The following DCC variants were observed in gnomAD, a reference collection of about 807,000 sequenced individuals.
DCC encodes DCC netrin 1 receptor.
In DCC, 58 loss-of-function variants were observed where a neutral mutation model predicts 172.5. The ratio of observed to expected loss-of-function variants is 0.34; its 90% confidence interval spans 0.27 to 0.42. The LOEUF (loss-of-function observed/expected upper bound fraction) is 0.42. DCC is among the 10% of genes least tolerant of loss of function. The probability of loss-of-function intolerance (pLI) is 1.00; values close to 1 mark genes in which losing one functional copy is unlikely to be tolerated. For missense variants in DCC, 1,740 were observed against 1,791.0 expected (o/e 0.97, Z 0.51); for synonymous variants, 709 against 644.5 (o/e 1.10, Z -1.52).
chr18:52,595,153 G>A (rs2033881578), intron 1 of DCC, among the ~76,000 whole-genome samples: 1 of 152,158 alleles, frequency 6.6e-6, no homozygotes, highest in Non-Finnish European at 1.5e-5. Context: ...TCTCCTGGAA[G>A]GATGAGCAAA....
At chr18:53,046,977 C>A (rs1047605006) in intron 5 of DCC, among the ~76,000 whole-genome samples, 3 of 151,422 alleles carry the variant, frequency 2.0e-5, no homozygotes, top group Non-Finnish European at 4.4e-5. Flanking sequence ...TCTCCTTTCA[C>A]CGAATTTGAG....
intron 2 of DCC, among the ~76,000 whole-genome samples, chr18:52,831,958 G>C (rs1333504429): frequency 2.6e-5 from 4 of 152,100 alleles, no homozygotes; most frequent in Non-Finnish European, 4.4e-5. Context: ...CAAATGAAAT[G>C]ATTTAAAAAG....
At position 53,450,568 on chromosome 18, in the gene DCC, G is replaced by A. The variant is rs764500230; in HGVS notation, c.3298G>A (p.Val1100Met). Residue 1100 changes from valine to methionine, a missense_variant, in exon 23 of 29, where the codon GTG (valine) becomes ATG (methionine). Around this residue, in one of 2 missense-constraint regions of DCC, gnomAD observed 1,732 missense variants for 1,767.4 expected, o/e 0.98. Transcript: ENST00000442544. ...TCCTCAGAAGAACAGCAACCTGCTT[G>A]TGATCATTGTGGTCACCGTTGGTGT... ...VTPQKNSNLLVIIVVTVGVIT... is the reference protein window; with the variant it reads ...VTPQKNSNLLMIIVVTVGVIT... 27 of 1,613,928 alleles carry A rather than the reference G, an allele frequency of 1.7e-5. No homozygotes were observed. The highest frequency in any genetic ancestry group is 2.3e-5 in the Non-Finnish European group (27 of 1,180,000).
In DCC at chr18:53,427,993, T is replaced by C. The variant is rs1377375793; in HGVS notation, c.3164-7151T>C. On this transcript the variant is annotated intron_variant, in intron 21 of 28. Coordinates refer to ENST00000442544, the MANE Select transcript of DCC (RefSeq NM_005215.4). The stretch of plus-strand genomic sequence containing the variant: ...ATATATAATATAATATAATATATTA[T>C]AATAATATATAATATAATACTATAA... 2.4e-5 allele frequency among the ~76,000 whole-genome samples: 2 copies of C among 83,112 alleles called. 1 individual carries two copies. The highest frequency in any genetic ancestry group is 5.7e-4 in the East Asian group (2 of 3,484). The allele number at this position is 83,112 out of a possible 152,430, so 54.5% of individuals were successfully genotyped here. A position where few individuals can be genotyped will look rare whatever the true frequency, so the allele number is the denominator to read the frequency against.
intron 1 of DCC, among the ~76,000 whole-genome samples, chr18:52,570,629 G>A (rs189088347): frequency 1.8e-3 from 278 of 152,266 alleles, no homozygotes; most frequent in Non-Finnish European, 2.3e-3. Context: ...TGTAGAAACT[G>A]TTTTGTGTCA....
intron 5 of DCC, among the ~76,000 whole-genome samples, chr18:52,975,043 T>A (rs944503442): frequency 6.6e-6 from 1 of 152,212 alleles, no homozygotes; most frequent in African/African-American, 2.4e-5. Flanking sequence ...CTTGTTTCTC[T>A]TTTGAATTTT....
At chr18:53,504,031 C>T (rs1471661956) in intron 27 of DCC, among the ~76,000 whole-genome samples, 2 of 152,134 alleles carry the variant, frequency 1.3e-5, no homozygotes, top group Non-Finnish European at 2.9e-5. Flanking sequence ...TTTAATTTGT[C>T]TGAGGACTGA....
intron 7 of DCC, among the ~76,000 whole-genome samples, chr18:53,148,126 A>C (rs1001335807): frequency 1.3e-5 from 2 of 152,194 alleles, no homozygotes; most frequent in Non-Finnish European, 2.9e-5. Context: ...CAGCTATTTT[A>C]CTTTAGTAGT....
At chr18:53,142,624 A>G (rs2043847902) in intron 7 of DCC, among the ~76,000 whole-genome samples, 1 of 152,128 alleles carries the variant, frequency 6.6e-6, no homozygotes, top group Non-Finnish European at 1.5e-5. Context: ...TTGTAGAATA[A>G]TTTTACATTT....
chr18:53,410,840 G>A (rs1013390213), intron 20 of DCC, among the ~76,000 whole-genome samples, 194 bp downstream of exon 20: 2 of 151,946 alleles, frequency 1.3e-5, no homozygotes, highest in Admixed American at 1.3e-4. Flanking sequence ...TCAGCACATG[G>A]CAAACATATT....
At chr18:52,883,351 TGTGTG>T (rs2039519708) in intron 2 of DCC, among the ~76,000 whole-genome samples, 2 of 12,720 alleles carry the variant, frequency 1.6e-4, no homozygotes, top group Non-Finnish European at 2.0e-4. Context: ...TATTTATTTA[TGTGTG>T]TGTGTGTGTG....
chr18:53,394,760 C>T (rs1407925664), intron 17 of DCC, among the ~76,000 whole-genome samples: 1 of 152,116 alleles, frequency 6.6e-6, no homozygotes, highest in Non-Finnish European at 1.5e-5. Context: ...TTCTCTGGGC[C>T]AAACGCTATG....
chr18:52,470,729 G>T (rs1179672440), intron 1 of DCC, among the ~76,000 whole-genome samples: 3 of 152,028 alleles, frequency 2.0e-5, no homozygotes, highest in African/African-American at 7.2e-5. Flanking sequence ...TTCCCTAATG[G>T]GAAACAAAGT....
At chr18:52,550,140 T>TA (rs889361296) in intron 1 of DCC, among the ~76,000 whole-genome samples, 111 of 151,748 alleles carry the variant, frequency 7.3e-4, no homozygotes, top group East Asian at 5.8e-4. Flanking sequence ...TCTTTCTCTC[T>TA]AAAAAAAACA....
In DCC at chr18:52,738,902, A is replaced by T. The variant is rs1240619972; in HGVS notation, c.92-13152A>T. 0.013 allele frequency among the ~76,000 whole-genome samples: 6 copies of T among 452 alleles called. No homozygotes were observed. The Non-Finnish European group carries it at 0.5, about 38-fold the overall frequency. 0.3% of individuals were successfully genotyped at this position (452 alleles called of 152,430 possible). On this transcript the variant is annotated intron_variant, in intron 1 of 28. Coordinates refer to ENST00000442544, the MANE Select transcript of DCC (RefSeq NM_005215.4). ...GCACACTACCACATCTGGCTATTTA[A>T]AAAAAAAAAAAAAAAAGAATGTTTT...
chr18:52,805,807 C>CTT (rs1302313183), intron 2 of DCC, among the ~76,000 whole-genome samples: 1 of 152,170 alleles, frequency 6.6e-6, no homozygotes. Context: ...ATCTGGGCAA[C>CTT]TTGAGGATCT....
chr18:52,899,367 T>C lies in DCC; in HGVS notation c.413-6677T>C, dbSNP rs1196874896. ...CCTTTTTTTTTTTTTTTTTTTTTTT[T>C]TTTGAGACAGAGTTTCACTTTTGTT... is the stretch of plus-strand genomic sequence containing the variant. On this transcript the variant is annotated intron_variant, in intron 2 of 28. Coordinates refer to ENST00000442544, the MANE Select transcript of DCC (RefSeq NM_005215.4). Among the ~76,000 whole-genome samples the C allele has an allele frequency of 3.3e-3, 306 of 92,010 alleles. 1 individual carries two copies. Among genetic ancestry groups the C allele is most frequent in the African/African-American group, 0.011 (298 of 26,604 alleles). The allele number at this position is 92,010 out of a possible 152,430, so 60.4% of individuals were successfully genotyped here.
intron 1 of DCC, among the ~76,000 whole-genome samples, chr18:52,646,878 A>T (rs2144914769): frequency 6.6e-6 from 1 of 152,264 alleles, no homozygotes; most frequent in South Asian, 2.1e-4. Context: ...GTGGAGCTGA[A>T]AGTTCTAACC....
intron 5 of DCC, among the ~76,000 whole-genome samples, chr18:52,980,778 G>T (rs926120673): frequency 1.3e-5 from 2 of 151,930 alleles, no homozygotes; most frequent in African/African-American, 4.8e-5. Context: ...CTTGTTGGTT[G>T]GTGAAGAAAA....
Sources: gnomAD v4.1 joint callset for allele counts (sites outside exome capture counted in the v4.1 genomes callset) on GRCh38, gnomAD v4.1.1 for gene constraint, gnomAD v4.1.1 regional missense constraint, MANE v1.5 for transcripts, NCBI Gene and HGNC (gene_info 2026-07-23, HGNC 2026-07-21) for gene names.